Variants in MPDZ observed in about 807,000 individuals in gnomAD.
The protein encoded by MPDZ is multiple PDZ domain protein.
A neutral mutation model predicts 239.1 loss-of-function variants in MPDZ; 234 were observed. That is an observed-to-expected ratio of 0.98 (90% CI 0.88 to 1.09). The LOEUF is 1.09. Ranked by LOEUF, MPDZ falls within the 50% of genes least tolerant of loss-of-function variation. The pLI, the probability that MPDZ is intolerant of heterozygous loss-of-function variation, is 0.00. For synonymous variants in MPDZ, 1,048 were observed against 881.3 expected, an observed-to-expected ratio of 1.19 and a Z score of -3.35; for missense variants, 3,175 against 2,510.0, an observed-to-expected ratio of 1.26 and a Z score of -5.66.
chr9:13,136,040 AG>A (rs1480680171), intron 31 of MPDZ, 51 bp downstream of exon 31: 2 of 1,166,544 alleles, frequency 1.7e-6, no homozygotes, highest in Non-Finnish European at 2.5e-6. Context: ...TGAATTAATA[AG>A]GCTCACATCA....
intron 22 of MPDZ, among the ~76,000 whole-genome samples, chr9:13,163,482 T>G (rs528504922): frequency 1.3e-5 from 2 of 152,184 alleles, no homozygotes; most frequent in East Asian, 3.9e-4. Flanking sequence ...GAATGCCTAT[T>G]ATGCGGAAGA....
At chr9:13,117,867 G>A (rs1310884844) in intron 39 of MPDZ, among the ~76,000 whole-genome samples, 1 of 121,404 alleles carries the variant, frequency 8.2e-6, no homozygotes. Context: ...TTTTTGAGAT[G>A]GAGTTTCACT....
intron 1 of MPDZ, among the ~76,000 whole-genome samples, chr9:13,278,578 C>A (rs1034298020): frequency 6.6e-6 from 1 of 152,200 alleles, no homozygotes; most frequent in African/African-American, 2.4e-5. Flanking sequence ...CAAAGCGTCT[C>A]CCAAACATCG....
intron 3 of MPDZ, among the ~76,000 whole-genome samples, chr9:13,236,673 A>T (rs999558351): frequency 6.6e-6 from 1 of 152,120 alleles, no homozygotes; most frequent in Non-Finnish European, 1.5e-5. Context: ...TAAAAAAATT[A>T]AAACTCCCAC....
intron 45 of MPDZ, 35 bp from the exon 46 acceptor site, chr9:13,109,094 T>TAAAA: frequency 1.0e-6 from 1 of 983,712 alleles, no homozygotes; most frequent in Non-Finnish European, 1.3e-6. Context: ...GGTTTTAAAT[T>TAAAA]AAAAAAAAAA....
At chr9:13,209,959 GA>G (rs950772194) in intron 10 of MPDZ, among the ~76,000 whole-genome samples, 1 of 150,450 alleles carries the variant, frequency 6.6e-6, no homozygotes, top group African/African-American at 2.4e-5. Flanking sequence ...ATTATAAGGA[GA>G]AGATGATAAA....
intron 28 of MPDZ, among the ~76,000 whole-genome samples, chr9:13,138,484 G>A (rs759752894): frequency 2.6e-5 from 4 of 152,196 alleles, no homozygotes; most frequent in Non-Finnish European, 5.9e-5. Context: ...ATCATTTGCA[G>A]AGGAGAACAG....
At chr9:13,121,523 T>C (rs1435135992) in intron 38 of MPDZ, among the ~76,000 whole-genome samples, 1 of 152,222 alleles carries the variant, frequency 6.6e-6, no homozygotes, top group Admixed American at 6.5e-5. Context: ...ATACACCAAA[T>C]GACTTTTTGT....
intron 44 of MPDZ, 56 bp from the exon 45 acceptor site, chr9:13,110,120 G>A (rs900174689): frequency 4.4e-5 from 56 of 1,279,212 alleles, no homozygotes; most frequent in Non-Finnish European, 5.6e-5. Flanking sequence ...GCTAGGGAAA[G>A]TAATTTTTCT....
At chr9:13,247,455 A>G (rs760683888) in intron 3 of MPDZ, among the ~76,000 whole-genome samples, 180 bp downstream of exon 3, 16 of 152,202 alleles carry the variant, frequency 1.1e-4, no homozygotes, top group Non-Finnish European at 2.4e-4. Flanking sequence ...AGCAACAACC[A>G]TTACAAAAAT....
intron 1 of MPDZ, among the ~76,000 whole-genome samples, chr9:13,268,868 A>C (rs1185884133): frequency 6.6e-6 from 1 of 152,228 alleles, no homozygotes; most frequent in African/African-American, 2.4e-5. Flanking sequence ...TGGACCATGC[A>C]GGGACATTGG....
chr9:13,259,213 T>C (rs1970106162), intron 1 of MPDZ, among the ~76,000 whole-genome samples: 1 of 151,050 alleles, frequency 6.6e-6, no homozygotes, highest in South Asian at 2.2e-4. Flanking sequence ...CTGGATACAT[T>C]AGGCTTCCTA....
At chr9:13,128,624 T>A (rs964109700) in intron 32 of MPDZ, among the ~76,000 whole-genome samples, 3 of 152,208 alleles carry the variant, frequency 2.0e-5, no homozygotes, top group Non-Finnish European at 4.4e-5. Flanking sequence ...TAGCAAAAGT[T>A]AAGGAGCTCC....
intron 29 of MPDZ, 101 bp downstream of exon 29, chr9:13,137,856 C>G (rs1314249380): frequency 1.6e-6 from 2 of 1,217,176 alleles, no homozygotes; most frequent in African/African-American, 3.1e-5. Context: ...CAAGCAATGG[C>G]TTTCTCAGTC....
chr9:13,209,933 C>T (rs564205108), intron 10 of MPDZ, among the ~76,000 whole-genome samples: 6 of 151,480 alleles, frequency 4.0e-5, no homozygotes, highest in Non-Finnish European at 8.8e-5. Flanking sequence ...GGAAATCCAA[C>T]ACACTAATAA....
At chr9:13,230,465 T>C (rs952460888) in intron 3 of MPDZ, among the ~76,000 whole-genome samples, 2 of 152,210 alleles carry the variant, frequency 1.3e-5, no homozygotes, top group East Asian at 1.9e-4. Flanking sequence ...AATATTAATA[T>C]ATGCAACTTC....
chr9:13,167,027 C>T (rs1209138608), intron 22 of MPDZ, among the ~76,000 whole-genome samples: 1 of 152,084 alleles, frequency 6.6e-6, no homozygotes, highest in Non-Finnish European at 1.5e-5. Context: ...TATCAGCACA[C>T]ACAGCATAAA....
At chr9:13,174,921 C>T (rs966775151) in intron 21 of MPDZ, among the ~76,000 whole-genome samples, 3 of 152,188 alleles carry the variant, frequency 2.0e-5, no homozygotes, top group Admixed American at 6.5e-5. Flanking sequence ...TGCTGGATTC[C>T]TCTGCCAAAT....
At chr9:13,220,423 T>C (rs1958959501) in intron 7 of MPDZ, among the ~76,000 whole-genome samples, 1 of 152,022 alleles carries the variant, frequency 6.6e-6, no homozygotes, top group Admixed American at 6.6e-5. Flanking sequence ...GAAGCTGAAC[T>C]TGTAATTTCA....
Sources: allele counts gnomAD v4.1 joint callset (sites outside exome capture counted in the v4.1 genomes callset), GRCh38; gene constraint gnomAD v4.1.1; transcripts MANE v1.5; gene names NCBI Gene and HGNC (gene_info 2026-07-23, HGNC 2026-07-21).